The following PCDH15 variants were observed in gnomAD, a reference collection of about 807,000 sequenced individuals.
PCDH15 encodes the protein protocadherin-15.
Under a neutral mutation model 178.5 loss-of-function variants are expected in PCDH15, and 129 were observed. The observed-to-expected ratio is 0.72, with a 90% CI of 0.63 to 0.84. PCDH15 has a LOEUF of 0.84. Ranked by LOEUF, PCDH15 falls within the 40% of genes least tolerant of loss-of-function variation. PCDH15 has a pLI of 0.00. For missense variants in PCDH15, 2,230 were observed against 2,099.9 expected, an observed-to-expected ratio of 1.06 and a Z score of -1.21; for synonymous variants, 800 against 732.0, an observed-to-expected ratio of 1.09 and a Z score of -1.50.
chr10:54,025,525 G>T (rs1054166414), intron 18 of PCDH15, among the ~76,000 whole-genome samples: 1 of 145,366 alleles, frequency 6.9e-6, no homozygotes. Context: ...TTGAGACCAA[G>T]CCTTGCTCTG....
At chr10:54,128,521 C>T (rs2042164947) in intron 15 of PCDH15, among the ~76,000 whole-genome samples, 1 of 152,132 alleles carries the variant, frequency 6.6e-6, no homozygotes, top group South Asian at 2.1e-4. Flanking sequence ...TGGTGATCTT[C>T]CCTGTTTTGT....
At chr10:54,301,086 C>T (rs1319108477) in intron 8 of PCDH15, among the ~76,000 whole-genome samples, 3 of 151,076 alleles carry the variant, frequency 2.0e-5, no homozygotes, top group African/African-American at 7.3e-5. Flanking sequence ...ACTGCAGACA[C>T]ATCTGAACAT....
At position 54,593,182 on chromosome 10, in the gene PCDH15, TC is replaced by T. The variant is rs1187745991; in HGVS notation, c.92-65306del. 4.6e-5 allele frequency among the ~76,000 whole-genome samples: 7 copies of T among 152,162 alleles called. 1 individual carries two copies. Among genetic ancestry groups the T allele is most frequent in the South Asian group, 2.1e-4 (1 of 4,834 alleles). On this transcript the variant is annotated intron_variant, in intron 2 of 37. Transcript: ENST00000644397. ...CAGAAGCTTTTTAGTTTGATGCAATTCCACTTCTATACTTTTGTTTTTGTTG... is the reference window on the plus strand; with the variant it reads ...CAGAAGCTTTTTAGTTTGATGCAATTCACTTCTATACTTTTGTTTTTGTTG...
intron 8 of PCDH15, among the ~76,000 whole-genome samples, chr10:54,273,074 C>G (rs1446523090): frequency 1.3e-5 from 2 of 152,000 alleles, no homozygotes; most frequent in African/African-American, 2.4e-5. Flanking sequence ...AACTGTTTTA[C>G]ACTGACTATG....
chr10:53,904,517 T>C (rs2082541357), intron 25 of PCDH15, among the ~76,000 whole-genome samples: 3 of 151,152 alleles, frequency 2.0e-5, no homozygotes, highest in African/African-American at 7.3e-5. Context: ...GAACAGTGAG[T>C]TAACCTCAAG....
At chr10:54,578,244 C>T (rs903078885) in intron 2 of PCDH15, among the ~76,000 whole-genome samples, 11 of 151,894 alleles carry the variant, frequency 7.2e-5, no homozygotes, top group Non-Finnish European at 1.5e-4. Flanking sequence ...TTTGAGGGCC[C>T]CTAATCTTGG....
chr10:54,607,414 T>C (rs1000482554), intron 2 of PCDH15, among the ~76,000 whole-genome samples: 3 of 152,032 alleles, frequency 2.0e-5, no homozygotes, highest in African/African-American at 7.2e-5. Context: ...TGATAACATG[T>C]GGCATTATTA....
intron 8 of PCDH15, among the ~76,000 whole-genome samples, chr10:54,260,205 G>GT (rs1282569154): frequency 6.6e-6 from 1 of 152,048 alleles, no homozygotes; most frequent in Non-Finnish European, 1.5e-5. Flanking sequence ...ATTTATTATA[G>GT]TTTTGTCACG....
intron 2 of PCDH15, among the ~76,000 whole-genome samples, chr10:55,150,241 G>C (rs1220789898): frequency 6.6e-6 from 1 of 151,896 alleles, no homozygotes; most frequent in Non-Finnish European, 1.5e-5. Flanking sequence ...AATCCAAGGG[G>C]GTTCAGGAAA....
At chr10:55,412,850 T>C (rs1838374062) in intron 2 of PCDH15, among the ~76,000 whole-genome samples, 1 of 148,920 alleles carries the variant, frequency 6.7e-6, no homozygotes, top group South Asian at 2.1e-4. Flanking sequence ...CTAAGTTTCA[T>C]TCCTGACAAA....
chr10:54,747,114 T>G (rs1945569653), intron 1 of PCDH15, among the ~76,000 whole-genome samples: 1 of 152,216 alleles, frequency 6.6e-6, no homozygotes, highest in African/African-American at 2.4e-5. Flanking sequence ...GCTTAGCACA[T>G]ACCACATTTC....
intron 8 of PCDH15, among the ~76,000 whole-genome samples, chr10:54,258,369 A>C (rs893116858): frequency 6.6e-6 from 1 of 152,240 alleles, no homozygotes; most frequent in Non-Finnish European, 1.5e-5. Context: ...AACACAGTGA[A>C]TATTATTATA....
chr10:54,096,125 T>C (rs1323632692), intron 15 of PCDH15, among the ~76,000 whole-genome samples: 1 of 152,098 alleles, frequency 6.6e-6, no homozygotes. Context: ...TATAGAATCA[T>C]AATTCATATT....
At chr10:54,779,192 T>C (rs1950013061) in intron 1 of PCDH15, among the ~76,000 whole-genome samples, 1 of 151,378 alleles carries the variant, frequency 6.6e-6, no homozygotes, top group Non-Finnish European at 1.5e-5. Context: ...TACAATGAAA[T>C]AAGTAACCAA....
chr10:54,915,886 T>C (rs1406524351), intron 2 of PCDH15, among the ~76,000 whole-genome samples: 1 of 152,158 alleles, frequency 6.6e-6, no homozygotes, highest in African/African-American at 2.4e-5. Flanking sequence ...TGGAGTGCAG[T>C]GGCATGATCT....
chr10:55,178,563 G>C (rs995502108), intron 1 of PCDH15, among the ~76,000 whole-genome samples: 2 of 152,034 alleles, frequency 1.3e-5, no homozygotes, highest in Admixed American at 6.6e-5. Flanking sequence ...ACCTTACAGT[G>C]TACTTCTTTC....
chr10:54,740,737 A>G (rs184462113), intron 1 of PCDH15, among the ~76,000 whole-genome samples: 188 of 152,146 alleles, frequency 1.2e-3, no homozygotes, highest in Non-Finnish European at 1.9e-3. Context: ...ATAGAACTGG[A>G]GGTCATTATG....
chr10:54,945,648 C>T (rs1157803064), intron 2 of PCDH15, among the ~76,000 whole-genome samples: 1 of 151,602 alleles, frequency 6.6e-6, no homozygotes, highest in Non-Finnish European at 1.5e-5. Flanking sequence ...TAATTGATTC[C>T]TTCACCCTAC....
intron 8 of PCDH15, among the ~76,000 whole-genome samples, chr10:54,254,987 T>A (rs1287259739): frequency 8.5e-5 from 13 of 152,200 alleles, no homozygotes; most frequent in African/African-American, 3.1e-4. Context: ...TTTCACACTA[T>A]GTGGATATTT....
Sources: allele counts gnomAD v4.1 joint callset (sites outside exome capture counted in the v4.1 genomes callset), GRCh38; gene constraint gnomAD v4.1.1; transcripts MANE v1.5; gene names NCBI Gene and HGNC (gene_info 2026-07-23, HGNC 2026-07-21).